The following CPEB3 variants were observed in gnomAD, a reference collection of about 807,000 sequenced individuals.
CPEB3 encodes cytoplasmic polyadenylation element-binding protein 3.
Under a neutral mutation model 67.2 loss-of-function variants are expected in CPEB3, and 20 were observed. That is an observed-to-expected ratio of 0.30 (90% CI 0.21 to 0.43). The LOEUF is 0.43. CPEB3 is among the 20% of genes least tolerant of loss of function. The pLI is 1.00. For missense variants in CPEB3, 746 were observed against 968.6 expected (o/e 0.77, Z 3.05); for synonymous variants, 376 against 393.1 (o/e 0.96, Z 0.51).
intron 1 of CPEB3, among the ~76,000 whole-genome samples, chr10:92,244,028 A>T (rs938183966): frequency 1.3e-5 from 2 of 152,168 alleles, no homozygotes; most frequent in Non-Finnish European, 2.9e-5. Flanking sequence ...ATACTAAAAT[A>T]ATATTTGGTG....
chr10:92,206,220 C>T (rs567065067), intron 2 of CPEB3, among the ~76,000 whole-genome samples: 50 of 151,804 alleles, frequency 3.3e-4, no homozygotes, highest in Middle Eastern at 3.4e-3. Context: ...TACAGGCACG[C>T]GCCACCACGC....
chr10:92,137,710 T>C (rs1590217869), intron 6 of CPEB3: 2 of 434,878 alleles, frequency 4.6e-6, no homozygotes, highest in East Asian at 4.7e-5. Context: ...AGAAGGTGGA[T>C]TGGCTCGGCT....
intron 1 of CPEB3, among the ~76,000 whole-genome samples, chr10:92,285,820 AAC>A (rs1404024914): frequency 1.3e-5 from 2 of 152,190 alleles, no homozygotes; most frequent in Admixed American, 6.5e-5. Flanking sequence ...ACCAGTCCAC[AAC>A]AGTTTCCAGT....
intron 7 of CPEB3, 140 bp downstream of exon 7, chr10:92,110,936 G>T: frequency 1.4e-6 from 1 of 707,208 alleles, no homozygotes; most frequent in Non-Finnish European, 2.6e-6. Context: ...ACCAACGAAA[G>T]TCCAACTCTA....
intron 9 of CPEB3, among the ~76,000 whole-genome samples, chr10:92,056,271 A>C (rs1479003889): frequency 6.6e-6 from 1 of 152,184 alleles, no homozygotes; most frequent in Non-Finnish European, 1.5e-5. Context: ...CGACCTCTCA[A>C]ACAGCAACAG....
intron 6 of CPEB3, among the ~76,000 whole-genome samples, chr10:92,130,642 T>C (rs1175131612): frequency 6.8e-6 from 1 of 147,734 alleles, no homozygotes; most frequent in Non-Finnish European, 1.5e-5. Flanking sequence ...CTGGCCATTC[T>C]TTCCCTATGT....
intron 6 of CPEB3, among the ~76,000 whole-genome samples, chr10:92,122,773 G>A (rs1449287036): frequency 6.6e-6 from 1 of 152,192 alleles, no homozygotes; most frequent in African/African-American, 2.4e-5. Context: ...GTAGGTGGTG[G>A]CACAGGGGCC....
intron 4 of CPEB3, among the ~76,000 whole-genome samples, chr10:92,156,763 T>A (rs1351232380): frequency 6.6e-6 from 1 of 152,162 alleles, no homozygotes; most frequent in Non-Finnish European, 1.5e-5. Flanking sequence ...TAGAAAATAA[T>A]CATTTACACA....
At chr10:92,139,506 T>C (rs1846286690) in intron 6 of CPEB3, among the ~76,000 whole-genome samples, 1 of 126,178 alleles carries the variant, frequency 7.9e-6, no homozygotes, top group Non-Finnish European at 1.6e-5. Flanking sequence ...TGACAGAAAA[T>C]AGAATGATGT....
chr10:92,090,498 T>C (rs1681874810), intron 8 of CPEB3, among the ~76,000 whole-genome samples: 1 of 152,152 alleles, frequency 6.6e-6, no homozygotes, highest in Admixed American at 6.5e-5. Context: ...GCCGAGATCA[T>C]GCCACTGCAC....
intron 9 of CPEB3, among the ~76,000 whole-genome samples, chr10:92,080,026 C>T (rs1394169774): frequency 2.0e-5 from 3 of 151,758 alleles, no homozygotes; most frequent in Admixed American, 2.0e-4. Flanking sequence ...TGGTGAAACC[C>T]CGTCTCTACT....
chr10:92,134,367 C>A (rs192622010), intron 6 of CPEB3, among the ~76,000 whole-genome samples: 318 of 151,972 alleles, frequency 2.1e-3, no homozygotes, highest in African/African-American at 7.2e-3. Context: ...TTCCTATATA[C>A]CAATATCAGA....
chr10:92,262,258 GT>G (rs1448489230), intron 1 of CPEB3, among the ~76,000 whole-genome samples: 1 of 152,180 alleles, frequency 6.6e-6, no homozygotes, highest in African/African-American at 2.4e-5. Flanking sequence ...GAGATGATGT[GT>G]AAAAAGAACA....
intron 6 of CPEB3, among the ~76,000 whole-genome samples, chr10:92,131,438 C>G (rs1038789268): frequency 1.3e-5 from 2 of 152,068 alleles, no homozygotes; most frequent in Admixed American, 6.6e-5. Context: ...ATGGCATATA[C>G]ACGAAGAAGG....
At chr10:92,165,981 A>G (rs576986802) in intron 4 of CPEB3, among the ~76,000 whole-genome samples, 4 of 152,380 alleles carry the variant, frequency 2.6e-5, no homozygotes, top group African/African-American at 9.6e-5. Context: ...GACCTCGTCC[A>G]ATGAATCACA....
intron 2 of CPEB3, among the ~76,000 whole-genome samples, chr10:92,230,119 G>A (rs979518971): frequency 6.6e-6 from 1 of 152,002 alleles, no homozygotes; most frequent in East Asian, 1.9e-4. Flanking sequence ...TAAAGATAAA[G>A]GACAAAATTA....
At chr10:92,250,038 A>ATATG (rs1210195802) in intron 1 of CPEB3, among the ~76,000 whole-genome samples, 1 of 150,818 alleles carries the variant, frequency 6.6e-6, no homozygotes, top group Non-Finnish European at 1.5e-5. Flanking sequence ...ATATATATAT[A>ATATG]TGTTATATAG....
intron 1 of CPEB3, among the ~76,000 whole-genome samples, chr10:92,274,579 G>C (rs982089273): frequency 1.3e-5 from 2 of 152,162 alleles, no homozygotes; most frequent in Non-Finnish European, 2.9e-5. Flanking sequence ...GGTGGCTCAT[G>C]CCTGTAATTC....
At chr10:92,192,441 C>A in intron 3 of CPEB3, 36 bp downstream of exon 3, 1 of 1,552,908 alleles carries the variant, frequency 6.4e-7, no homozygotes, top group Non-Finnish European at 8.7e-7. Flanking sequence ...TTGCTTAAAA[C>A]ACCAAGCAAG....
Sources: gnomAD v4.1 joint callset for allele counts (sites outside exome capture counted in the v4.1 genomes callset) on GRCh38, gnomAD v4.1.1 for gene constraint, MANE v1.5 for transcripts, NCBI Gene and HGNC (gene_info 2026-07-23, HGNC 2026-07-21) for gene names.